The following FBXW7 variants were observed in gnomAD, a reference collection of about 807,000 sequenced individuals.
FBXW7 encodes the protein F-box/WD repeat-containing protein 7.
FBXW7 carries 11 observed loss-of-function variants against 86.3 expected under a neutral mutation model. The ratio of observed to expected loss-of-function variants is 0.13; its 90% CI spans 0.08 to 0.21. The LOEUF (loss-of-function observed/expected upper bound fraction) is 0.21, where lower values mean the gene tolerates loss of function less well. Ranked by LOEUF, FBXW7 falls within the 10% of genes least tolerant of loss-of-function variation. The probability of loss-of-function intolerance (pLI) is 1.00; values close to 1 mark genes in which losing one functional copy is unlikely to be tolerated. For synonymous variants in FBXW7, 313 were observed against 297.9 expected (o/e 1.05, Z -0.52); for missense variants, 488 against 847.4 (o/e 0.58, Z 5.27).
rs1325363774 is a variant in FBXW7, at chr4:152,326,197, C to T, written c.1453G>A (p.Val485Ile). 1.2e-6 allele frequency: 2 copies of T among 1,613,222 alleles called. No individual in the cohort carries two copies. Among genetic ancestry groups the T allele is most frequent in the East Asian group, 4.5e-5 (2 of 44,858 alleles). ...VSGSRDATLR[V>I]WDIETGQCLH... ...CACTGGCCTGTCTCAATATCCCAAA[C>T]CCTAAGAGTGGCATCTCGAGAACCG... The change falls in exon 12 of 14, where the codon GTT becomes ATT. Residue 485 changes from valine (V) to isoleucine (I), a missense_variant. Physicochemically the swap from Val to Ile is conservative, Grantham distance 29. This residue lies in a region of FBXW7 where 142 missense variants were observed against 406.6 expected (regional missense o/e 0.35). Transcript: ENST00000281708.
At chr4:152,370,983 G>A (rs1391583908) in intron 4 of FBXW7, among the ~76,000 whole-genome samples, 4 of 151,146 alleles carry the variant, frequency 2.6e-5, no homozygotes, top group Non-Finnish European at 4.4e-5. Flanking sequence ...TCATATTTTA[G>A]GAGTAAAACA....
intron 2 of FBXW7, among the ~76,000 whole-genome samples, chr4:152,470,793 T>C (rs1743882247): frequency 6.6e-6 from 1 of 152,138 alleles, no homozygotes; most frequent in South Asian, 2.1e-4. Flanking sequence ...ACATACATTT[T>C]TTAATCACCT....
chr4:152,450,170 T>A (rs1741782064), intron 2 of FBXW7, among the ~76,000 whole-genome samples: 1 of 152,206 alleles, frequency 6.6e-6, no homozygotes, highest in South Asian at 2.1e-4. Flanking sequence ...TTCCAGAATA[T>A]CTAAAAACAG....
intron 2 of FBXW7, among the ~76,000 whole-genome samples, chr4:152,414,589 T>C (rs1738266459): frequency 1.3e-5 from 2 of 152,196 alleles, no homozygotes; most frequent in African/African-American, 2.4e-5. Flanking sequence ...CCATTATAGA[T>C]ATTAATCAAT....
chr4:152,438,476 G>A (rs780546734), intron 2 of FBXW7, among the ~76,000 whole-genome samples: 1 of 151,798 alleles, frequency 6.6e-6, no homozygotes, highest in African/African-American at 2.4e-5. Flanking sequence ...TCAGGAGTTC[G>A]AGACCAACTT....
chr4:152,350,150 G>GT, intron 4 of FBXW7, 26 bp from the exon 5 acceptor site: 3 of 1,424,026 alleles, frequency 2.1e-6, no homozygotes, highest in Admixed American at 4.2e-5. Context: ...AACAAGATAT[G>GT]TTTTTTAAAA....
chr4:152,404,449 G>C (rs926016712), intron 4 of FBXW7, among the ~76,000 whole-genome samples: 2 of 151,960 alleles, frequency 1.3e-5, no homozygotes, highest in East Asian at 1.9e-4. Context: ...CTTTTTCTTT[G>C]CATATGTATA....
chr4:152,335,291 CT>C (rs770001852), intron 7 of FBXW7, among the ~76,000 whole-genome samples: 224 of 152,040 alleles, frequency 1.5e-3, no homozygotes, highest in Admixed American at 3.1e-3. Context: ...ACATCCCCCC[CT>C]ACCACCACCC....
At chr4:152,405,558 C>T (rs1737349052) in intron 4 of FBXW7, among the ~76,000 whole-genome samples, 1 of 152,180 alleles carries the variant, frequency 6.6e-6, no homozygotes, top group South Asian at 2.1e-4. Flanking sequence ...CTATACAGAG[C>T]TAAAAATTCA....
chr4:152,483,852 A>G (rs1364303441), intron 2 of FBXW7, among the ~76,000 whole-genome samples: 4 of 152,156 alleles, frequency 2.6e-5, no homozygotes, highest in Non-Finnish European at 5.9e-5. Flanking sequence ...TTACTACACC[A>G]CTACAGTATA....
chr4:152,524,280 T>C (rs1749290308), intron 2 of FBXW7, among the ~76,000 whole-genome samples: 1 of 152,156 alleles, frequency 6.6e-6, no homozygotes, highest in African/African-American at 2.4e-5. Flanking sequence ...ACTCCAAAGC[T>C]TGCCTCTCAG....
chr4:152,337,701 A>G (rs2126580569), intron 7 of FBXW7, 101 bp downstream of exon 7: 1 of 1,252,214 alleles, frequency 8.0e-7, no homozygotes, highest in South Asian at 1.5e-5. Flanking sequence ...CAAACTGACA[A>G]TACCGAATAC....
At chr4:152,355,057 A>C (rs1344960308) in intron 4 of FBXW7, among the ~76,000 whole-genome samples, 1 of 152,080 alleles carries the variant, frequency 6.6e-6, no homozygotes, top group Admixed American at 6.6e-5. Flanking sequence ...GTCAAGCAAA[A>C]CTAGTCAACT....
intron 2 of FBXW7, among the ~76,000 whole-genome samples, chr4:152,419,494 AACAC>A (rs57894523): frequency 1.5e-3 from 179 of 123,338 alleles, no homozygotes; most frequent in East Asian, 7.2e-3. Context: ...GGATAAGGTA[AACAC>A]ACACACACAC....
At chr4:152,518,190 T>C (rs1434208633) in intron 2 of FBXW7, among the ~76,000 whole-genome samples, 2 of 152,052 alleles carry the variant, frequency 1.3e-5, no homozygotes, top group Admixed American at 6.6e-5. Flanking sequence ...GGTTTCACCA[T>C]GCCAGCCAGG....
chr4:152,375,745 T>A (rs1373132303), intron 4 of FBXW7, among the ~76,000 whole-genome samples: 1 of 152,108 alleles, frequency 6.6e-6, no homozygotes, highest in African/African-American at 2.4e-5. Flanking sequence ...AAATATAATG[T>A]CTTGTAACAT....
intron 2 of FBXW7, among the ~76,000 whole-genome samples, chr4:152,458,654 T>C (rs1742659247): frequency 6.6e-6 from 1 of 152,212 alleles, no homozygotes; most frequent in Non-Finnish European, 1.5e-5. Flanking sequence ...GCTGGATTGT[T>C]ACCACAGTCC....
At chr4:152,342,395 G>A (rs908773738) in intron 6 of FBXW7, among the ~76,000 whole-genome samples, 1 of 152,152 alleles carries the variant, frequency 6.6e-6, no homozygotes, top group African/African-American at 2.4e-5. Flanking sequence ...CCCAAATGCC[G>A]ATCAAGGACA....
intron 2 of FBXW7, among the ~76,000 whole-genome samples, chr4:152,448,123 C>T (rs1560909998): frequency 6.6e-6 from 1 of 152,210 alleles, no homozygotes; most frequent in Non-Finnish European, 1.5e-5. Context: ...AAAATAAGTG[C>T]TGCTGCTTTA....
Sources: gnomAD v4.1 joint callset for allele counts (sites outside exome capture counted in the v4.1 genomes callset) on GRCh38, gnomAD v4.1.1 for gene constraint, gnomAD v4.1.1 regional missense constraint, MANE v1.5 for transcripts, NCBI Gene and HGNC (gene_info 2026-07-23, HGNC 2026-07-21) for gene names.